Variants in PTPRN2 observed in about 807,000 individuals in gnomAD.
PTPRN2 encodes the protein protein tyrosine phosphatase receptor type N2.
In PTPRN2, 74 loss-of-function variants were observed where a neutral mutation model predicts 118.8. That is an observed-to-expected ratio of 0.62 (90% CI 0.52 to 0.76). The LOEUF is 0.76. Ranked by LOEUF, PTPRN2 falls within the 30% of genes least tolerant of loss-of-function variation. PTPRN2 has a pLI of 0.00. For synonymous variants in PTPRN2, 641 were observed against 608.0 expected, an observed-to-expected ratio of 1.05 and a Z score of -0.80; for missense variants, 1,481 against 1,394.4, an observed-to-expected ratio of 1.06 and a Z score of -0.99.
At chr7:158,146,866 C>T (rs980221842) in intron 6 of PTPRN2, among the ~76,000 whole-genome samples, 3 of 151,972 alleles carry the variant, frequency 2.0e-5, no homozygotes, top group Non-Finnish European at 2.9e-5. Flanking sequence ...ATAGAACAAG[C>T]AAACAGTTTA....
chr7:157,921,944 G>A (rs1235520738), intron 11 of PTPRN2, among the ~76,000 whole-genome samples: 1 of 152,160 alleles, frequency 6.6e-6, no homozygotes, highest in Non-Finnish European at 1.5e-5. Flanking sequence ...GGAGAGACGG[G>A]GCGTGGAGTG....
intron 11 of PTPRN2, among the ~76,000 whole-genome samples, chr7:158,012,968 G>T (rs1187999567): frequency 6.6e-6 from 1 of 152,184 alleles, no homozygotes; most frequent in Non-Finnish European, 1.5e-5. Flanking sequence ...TCCATGGAGA[G>T]TGGAGGTGGT....
At chr7:158,357,940 G>T (rs1245332954) in intron 2 of PTPRN2, among the ~76,000 whole-genome samples, 1 of 152,206 alleles carries the variant, frequency 6.6e-6, no homozygotes, top group East Asian at 1.9e-4. Flanking sequence ...TACAATCAGG[G>T]GTGCATGGGG....
At chr7:157,988,855 G>A (rs1804024423) in intron 11 of PTPRN2, among the ~76,000 whole-genome samples, 1 of 152,196 alleles carries the variant, frequency 6.6e-6, no homozygotes, top group Non-Finnish European at 1.5e-5. Flanking sequence ...CCATTCTTGG[G>A]GTGCATCCCC....
chr7:158,445,741 G>A (rs550341007), intron 2 of PTPRN2, among the ~76,000 whole-genome samples: 4 of 152,330 alleles, frequency 2.6e-5, no homozygotes, highest in South Asian at 2.1e-4. Context: ...CTGAGAGGGC[G>A]CTCTGCCCCA....
At chr7:158,567,243 C>G (rs1295736678) in intron 1 of PTPRN2, among the ~76,000 whole-genome samples, 2 of 152,196 alleles carry the variant, frequency 1.3e-5, no homozygotes, top group African/African-American at 4.8e-5. Context: ...ATTGCCCTCA[C>G]GGGCCACCTG....
chr7:157,943,002 G>A (rs1253403758), intron 11 of PTPRN2, among the ~76,000 whole-genome samples: 1 of 152,166 alleles, frequency 6.6e-6, no homozygotes, highest in African/African-American at 2.4e-5. Flanking sequence ...GCCGAGCTCT[G>A]TGATGGGCAG....
intron 11 of PTPRN2, among the ~76,000 whole-genome samples, chr7:157,970,066 T>G (rs1238212818): frequency 6.6e-6 from 1 of 151,764 alleles, no homozygotes; most frequent in African/African-American, 2.4e-5. Flanking sequence ...GCAAGGAAGT[T>G]GCAGAGGCTC....
intron 12 of PTPRN2, among the ~76,000 whole-genome samples, chr7:157,730,095 T>C (rs1286422571): frequency 6.6e-6 from 1 of 152,082 alleles, no homozygotes; most frequent in Non-Finnish European, 1.5e-5. Context: ...CACATTCGCA[T>C]AAAATTTTAA....
chr7:157,677,719 A>G (rs967700419), intron 13 of PTPRN2, among the ~76,000 whole-genome samples: 11 of 152,190 alleles, frequency 7.2e-5, no homozygotes, highest in Admixed American at 2.0e-4. Context: ...TTCTTCCCAC[A>G]CTGGGGACGA....
At position 157,912,179 on chromosome 7, in the gene PTPRN2, G is replaced by C. The variant is rs921293794; in HGVS notation, c.1724-13442C>G. 7.9e-5 allele frequency among the ~76,000 whole-genome samples: 12 copies of C among 152,170 alleles called. 1 individual carries two copies. Among genetic ancestry groups the C allele is most frequent in the African/African-American group, 2.9e-4 (12 of 41,434 alleles). On this transcript the variant is annotated intron_variant, in intron 11 of 22. Coordinates refer to ENST00000389418, the MANE Select transcript of PTPRN2 (RefSeq NM_002847.5). ...CAACACACAGAGTTCCTAGTGCTCCGTGTGCTCATTGGTTTAAGCTTTAAA... is the reference window on the plus strand; with the variant it reads ...CAACACACAGAGTTCCTAGTGCTCCCTGTGCTCATTGGTTTAAGCTTTAAA...
At chr7:157,768,288 C>T (rs1235646055) in intron 12 of PTPRN2, among the ~76,000 whole-genome samples, 3 of 152,196 alleles carry the variant, frequency 2.0e-5, no homozygotes, top group Non-Finnish European at 4.4e-5. Context: ...GTCAACGGAT[C>T]GTCCTCTGCT....
At chr7:157,899,207 G>A (rs1264627474) in intron 11 of PTPRN2, among the ~76,000 whole-genome samples, 1 of 152,206 alleles carries the variant, frequency 6.6e-6, no homozygotes, top group East Asian at 1.9e-4. Context: ...CTATTTTGCA[G>A]CCTCTTGTTC....
intron 2 of PTPRN2, among the ~76,000 whole-genome samples, chr7:158,470,919 T>C (rs1289400952): frequency 6.6e-6 from 1 of 151,970 alleles, no homozygotes; most frequent in Non-Finnish European, 1.5e-5. Flanking sequence ...CTGCAAACTC[T>C]GCCTCCAAGG....
At chr7:158,140,486 A>AGGAG (rs1313876093) in intron 6 of PTPRN2, among the ~76,000 whole-genome samples, 6 of 152,234 alleles carry the variant, frequency 3.9e-5, no homozygotes, top group Non-Finnish European at 8.8e-5. Flanking sequence ...AGAGCGGATA[A>AGGAG]GGAGGCCACA....
At chr7:158,062,347 T>C (rs1810409067) in intron 11 of PTPRN2, among the ~76,000 whole-genome samples, 2 of 152,200 alleles carry the variant, frequency 1.3e-5, no homozygotes, top group African/African-American at 4.8e-5. Flanking sequence ...TCAGTGCACA[T>C]GTGTGTGGGG....
rs566208157 is a variant in PTPRN2, at chr7:157,784,694, G to A, written c.1789-101757C>T. Among the ~76,000 whole-genome samples the A allele has an allele frequency of 5.3e-5, 8 of 151,182 alleles. No homozygotes were observed. The South Asian group carries it at 8.4e-4, about 16-fold the overall frequency. ...GGGCTGGGCTGATCCCGTATGAAAC[G>A]GGCAGGGGCTGAGCTGATCCCGTGG... On this transcript the variant is annotated intron_variant, in intron 12 of 22. Coordinates refer to ENST00000389418, the MANE Select transcript of PTPRN2 (RefSeq NM_002847.5). This position sits in a 1 kb window ranked among gnomAD's most constrained non-coding sequence, Gnocchi z 4.6.
Position 157,643,450 on chromosome 7 carries a change from C to T in PTPRN2, c.2196+12907G>A, listed in dbSNP as rs73744816. On this transcript the variant is annotated intron_variant, in intron 14 of 22. Transcript: ENST00000389418. ...CGGATCATGGAAGGGACACTCTCTGCCTGTGTCACAACCCAACTATCCACA... is the reference window on the plus strand; with the variant it reads ...CGGATCATGGAAGGGACACTCTCTGTCTGTGTCACAACCCAACTATCCACA... Among the ~76,000 whole-genome samples, 204 of 152,364 alleles carry T rather than the reference C, an allele frequency of 1.3e-3. 2 individuals are homozygous for T. Among genetic ancestry groups the T allele is most frequent in the African/African-American group, 4.4e-3 (181 of 41,586 alleles).
At chr7:157,985,106 G>A (rs74854398) in intron 11 of PTPRN2, among the ~76,000 whole-genome samples, 9,569 of 152,254 alleles carry the variant, frequency 0.063, 410 homozygotes, top group South Asian at 0.19. Flanking sequence ...TTCTGGGAGC[G>A]TCGACTGTGC....
Sources: allele counts gnomAD v4.1 joint callset (sites outside exome capture counted in the v4.1 genomes callset), GRCh38; gene constraint gnomAD v4.1.1; non-coding constraint Gnocchi (gnomAD v3.1); transcripts MANE v1.5; gene names NCBI Gene and HGNC (gene_info 2026-07-23, HGNC 2026-07-21).